NTN4: variants seen among roughly 807,000 people sequenced by gnomAD.
NTN4 encodes the protein netrin 4, also known as netrin-4.
In NTN4, 32 loss-of-function variants were observed where a neutral mutation model predicts 73.6. The observed-to-expected ratio is 0.44, with a 90% CI of 0.33 to 0.58. The LOEUF is 0.58. Ranked by LOEUF, NTN4 falls within the 20% of genes least tolerant of loss-of-function variation. The pLI, the probability that NTN4 is intolerant of heterozygous loss-of-function variation, is 0.04. For synonymous variants in NTN4, 258 were observed against 287.5 expected (o/e 0.90, Z 1.04); for missense variants, 654 against 798.3 (o/e 0.82, Z 2.18).
chr12:95,749,524 T>C (rs1319947826), intron 2 of NTN4, among the ~76,000 whole-genome samples: 1 of 152,050 alleles, frequency 6.6e-6, no homozygotes, highest in Non-Finnish European at 1.5e-5. Context: ...CTTCTCTTAA[T>C]TTCAATTCCT....
In NTN4 at chr12:95,658,439, C is replaced by G. The variant is rs1336320960; in HGVS notation, c.*647G>C. On this transcript the variant is annotated 3_prime_UTR_variant, in exon 10 of 10. Coordinates refer to ENST00000343702, the MANE Select transcript of NTN4 (RefSeq NM_021229.4). ...AAGTATTCAGAGTTAAATAGCACAA[C>G]TTCTTTTATATGGTCACTTTTGTCC... 6.6e-6 allele frequency: 1 copy of G among 152,622 alleles called. No individual in the cohort carries two copies. Among genetic ancestry groups the G allele is most frequent in the East Asian group, 1.9e-4 (1 of 5,202 alleles). The allele number at this position is 152,622 out of a possible 1,614,324, so 9.5% of individuals were successfully genotyped here. A position where few individuals can be genotyped will look rare whatever the true frequency, so the allele number is the denominator to read the frequency against.
chr12:95,761,058 C>T (rs573854083), intron 2 of NTN4, among the ~76,000 whole-genome samples: 7 of 152,240 alleles, frequency 4.6e-5, no homozygotes, highest in Non-Finnish European at 5.9e-5. Flanking sequence ...ATATAAATAG[C>T]GGAAACTATA....
In NTN4 at chr12:95,790,558, C is replaced by T. The variant is rs1050794339; in HGVS notation, c.-249G>A. On this transcript the variant is annotated 5_prime_UTR_variant, in exon 1 of 10. Transcript: ENST00000343702. This position sits in a 1 kb window ranked among gnomAD's most constrained non-coding sequence, Gnocchi z 6.5. ...CGGGCACCTGGGGGGCGGCGGGAGCCCCGGGACCATAGCCGGCCTGGCTGC... is the reference window on the plus strand; with the variant it reads ...CGGGCACCTGGGGGGCGGCGGGAGCTCCGGGACCATAGCCGGCCTGGCTGC... The T allele has an allele frequency of 6.1e-6, 2 of 326,350 alleles. No homozygotes were observed. The highest frequency in any genetic ancestry group is 4.3e-5 in the African/African-American group (2 of 46,184). The allele number at this position is 326,350 out of a possible 1,614,324, so 20.2% of individuals were successfully genotyped here.
intron 3 of NTN4, among the ~76,000 whole-genome samples, chr12:95,723,529 T>C (rs1041038313): frequency 9.8e-5 from 15 of 152,320 alleles, no homozygotes; most frequent in African/African-American, 3.6e-4. Flanking sequence ...CATTATTTTT[T>C]TTTTGAGACA....
At chr12:95,757,758 A>G (rs1300617741) in intron 2 of NTN4, among the ~76,000 whole-genome samples, 4 of 133,354 alleles carry the variant, frequency 3.0e-5, no homozygotes, top group Non-Finnish European at 6.4e-5. Flanking sequence ...AGCCCAAGGA[A>G]GTGAGAATGC....
intron 9 of NTN4, among the ~76,000 whole-genome samples, chr12:95,664,610 C>T (rs1050296374): frequency 5.2e-5 from 7 of 135,476 alleles, no homozygotes; most frequent in East Asian, 2.3e-4. Context: ...AATCAAAGAC[C>T]GCAAAAGACT....
chr12:95,684,316 T>A (rs987497543), intron 5 of NTN4, among the ~76,000 whole-genome samples: 2 of 151,860 alleles, frequency 1.3e-5, no homozygotes, highest in African/African-American at 4.8e-5. Flanking sequence ...CTTTTTTTTT[T>A]GAGAGAGGGT....
chr12:95,694,877 A>C lies in NTN4; in HGVS notation c.1181-11166T>G, dbSNP rs557866540. Among the ~76,000 whole-genome samples, 431 of 152,324 alleles carry C rather than the reference A, an allele frequency of 2.8e-3. 6 individuals are homozygous for C. Among genetic ancestry groups the C allele is most frequent in the African/African-American group, 0.01 (418 of 41,582 alleles). ...CATGGTGGCTCATGCCTGTAATCCCAGCACTTTGGGAGGCCAAGGCAGGTA... is the reference window on the plus strand; with the variant it reads ...CATGGTGGCTCATGCCTGTAATCCCCGCACTTTGGGAGGCCAAGGCAGGTA... On this transcript the variant is annotated intron_variant, in intron 5 of 9. Coordinates refer to ENST00000343702, the MANE Select transcript of NTN4 (RefSeq NM_021229.4).
chr12:95,751,114 T>TA (rs1434361544), intron 2 of NTN4, among the ~76,000 whole-genome samples: 2 of 152,160 alleles, frequency 1.3e-5, no homozygotes, highest in African/African-American at 2.4e-5. Flanking sequence ...ATTCTCAAAA[T>TA]ACATTTTATT....
chr12:95,765,313 T>C (rs2079013371), intron 2 of NTN4, among the ~76,000 whole-genome samples: 1 of 152,224 alleles, frequency 6.6e-6, no homozygotes. Flanking sequence ...TATCTAAATC[T>C]AACTCCCACT....
At chr12:95,679,793 G>A (rs2078301924) in intron 7 of NTN4, among the ~76,000 whole-genome samples, 1 of 152,058 alleles carries the variant, frequency 6.6e-6, no homozygotes, top group Non-Finnish European at 1.5e-5. Flanking sequence ...TCTTACTCCA[G>A]GTGAAAGCCA....
At chr12:95,691,161 T>C (rs1462433583) in intron 5 of NTN4, among the ~76,000 whole-genome samples, 1 of 152,232 alleles carries the variant, frequency 6.6e-6, no homozygotes, top group African/African-American at 2.4e-5. Flanking sequence ...TAGCAGTCAA[T>C]ATCTGACACA....
At chr12:95,731,010 G>C (rs1177385362) in intron 3 of NTN4, among the ~76,000 whole-genome samples, 2 of 152,124 alleles carry the variant, frequency 1.3e-5, no homozygotes, top group Admixed American at 1.3e-4. Flanking sequence ...TAAAACCATA[G>C]ATATCCATAC....
chr12:95,756,789 C>T (rs1211575497), intron 2 of NTN4, among the ~76,000 whole-genome samples: 1 of 152,034 alleles, frequency 6.6e-6, no homozygotes, highest in Non-Finnish European at 1.5e-5. Context: ...GAACCCCTTT[C>T]TGTTCCTGGA....
chr12:95,767,474 C>A (rs1391959802), intron 2 of NTN4, among the ~76,000 whole-genome samples: 1 of 152,150 alleles, frequency 6.6e-6, no homozygotes, highest in East Asian at 1.9e-4. Context: ...GTTTCTCCTC[C>A]CAGCTCCAAA....
chr12:95,735,170 C>T (rs539215409), intron 3 of NTN4, among the ~76,000 whole-genome samples: 1 of 152,278 alleles, frequency 6.6e-6, no homozygotes, highest in South Asian at 2.1e-4. Flanking sequence ...GTGGAAAAAT[C>T]GAAAACCAGA....
Position 95,708,854 on chromosome 12 carries a change from TA to T in NTN4, c.1180+1586del, listed in dbSNP as rs372016599. Reference sequence around the variant, plus strand: ...GAAACTGAAGTCTGAAGAGCTTCAATAGCTGGCATAACATCACACAGCTGGC... The same window carrying T: ...GAAACTGAAGTCTGAAGAGCTTCAATGCTGGCATAACATCACACAGCTGGC... On this transcript the variant is annotated intron_variant, in intron 5 of 9. Transcript: ENST00000343702. 4.1e-3 allele frequency among the ~76,000 whole-genome samples: 630 copies of T among 152,322 alleles called. 2 individuals are homozygous for T. The highest frequency in any genetic ancestry group is 0.015 in the African/African-American group (609 of 41,568).
At chr12:95,659,313 T>C in intron 9 of NTN4, 91 bp from the exon 10 acceptor site, 2 of 988,894 alleles carry the variant, frequency 2.0e-6, no homozygotes, top group Admixed American at 4.8e-5. Context: ...GCATTTATTT[T>C]GAGACAAGGT....
At chr12:95,672,837 GA>G in intron 7 of NTN4, 2 of 1,377,822 alleles carry the variant, frequency 1.5e-6, no homozygotes, top group Non-Finnish European at 2.1e-6. Context: ...TCAAGGAAGG[GA>G]AATGGGTACT....
Sources: gnomAD v4.1 joint callset for allele counts (sites outside exome capture counted in the v4.1 genomes callset) on GRCh38, gnomAD v4.1.1 for gene constraint, Gnocchi (gnomAD v3.1) non-coding constraint, MANE v1.5 for transcripts, NCBI Gene and HGNC (gene_info 2026-07-23, HGNC 2026-07-21) for gene names.